The following NBAS variants were observed in gnomAD, a reference collection of about 807,000 sequenced individuals.
The protein encoded by NBAS is NBAS subunit of NRZ tethering complex.
In NBAS, 219 loss-of-function variants were observed where a neutral mutation model predicts 302.5. The observed-to-expected ratio is 0.72, with a 90% CI of 0.65 to 0.81. The LOEUF (loss-of-function observed/expected upper bound fraction) is 0.81, where lower values mean the gene tolerates loss of function less well. Among genes scored for constraint, NBAS ranks in the 30% least tolerant of loss-of-function variants. The pLI, the probability that NBAS is intolerant of heterozygous loss-of-function variation, is 0.00. For missense variants in NBAS, 2,932 were observed against 2,841.6 expected, an observed-to-expected ratio of 1.03 and a Z score of -0.72; for synonymous variants, 1,118 against 1,021.6, an observed-to-expected ratio of 1.09 and a Z score of -1.80.
intron 19 of NBAS, among the ~76,000 whole-genome samples, chr2:15,466,006 T>C (rs1424527972): frequency 6.6e-6 from 1 of 152,204 alleles, no homozygotes; most frequent in Non-Finnish European, 1.5e-5. Flanking sequence ...AGTAATGTGA[T>C]CATCCAATAG....
At chr2:15,521,850 A>T (rs930474376) in intron 9 of NBAS, among the ~76,000 whole-genome samples, 4 of 152,298 alleles carry the variant, frequency 2.6e-5, no homozygotes, top group African/African-American at 9.6e-5. Flanking sequence ...ACACAGCCAT[A>T]CTGTGAATTT....
intron 48 of NBAS, among the ~76,000 whole-genome samples, chr2:15,203,280 C>T (rs537194482): frequency 6.6e-6 from 1 of 152,240 alleles, no homozygotes; most frequent in Non-Finnish European, 1.5e-5. Context: ...TTCTTAACCA[C>T]TTTGAGTCTA....
At chr2:15,284,926 T>C (rs1244524494) in intron 42 of NBAS, among the ~76,000 whole-genome samples, 2 of 152,234 alleles carry the variant, frequency 1.3e-5, no homozygotes, top group Non-Finnish European at 2.9e-5. Flanking sequence ...TATAATGATA[T>C]GCTAGGAACA....
intron 21 of NBAS, among the ~76,000 whole-genome samples, chr2:15,453,770 C>A (rs189281427): frequency 6.6e-6 from 1 of 151,836 alleles, no homozygotes; most frequent in Admixed American, 6.6e-5. Context: ...ATAGTAACAG[C>A]TTTTCTTTTC....
At chr2:15,267,035 A>G (rs915931114) in intron 44 of NBAS, among the ~76,000 whole-genome samples, 2 of 152,362 alleles carry the variant, frequency 1.3e-5, no homozygotes, top group African/African-American at 4.8e-5. Context: ...ACATCTTACA[A>G]AAAGCCATAT....
At chr2:15,097,343 A>C in the NBAS span, among the ~76,000 whole-genome samples, 1 of 152,156 alleles carries the variant, frequency 6.6e-6, no homozygotes, top group Non-Finnish European at 1.5e-5. Flanking sequence ...CCCAGGCCAC[A>C]GTGGAGGCTG....
At chr2:15,542,783 T>A (rs1043207442) in intron 6 of NBAS, among the ~76,000 whole-genome samples, 11 of 152,236 alleles carry the variant, frequency 7.2e-5, no homozygotes, top group African/African-American at 2.7e-4. Context: ...AATATTTATG[T>A]GCTAAGGAAA....
chr2:15,540,783 C>T lies in NBAS; in HGVS notation c.380-1427G>A, dbSNP rs556029364. ...TGTCACCCAGACTGGAGTACAGTGG[C>T]GCGATCTGGGCTCACTGCAACCTCC... On this transcript the variant is annotated intron_variant, in intron 6 of 51. Coordinates refer to ENST00000281513, the MANE Select transcript of NBAS (RefSeq NM_015909.4). 6.0e-4 allele frequency among the ~76,000 whole-genome samples: 91 copies of T among 151,822 alleles called. 3 individuals carry two copies. The South Asian group carries it at 0.013, about 22-fold the overall frequency.
chr2:15,452,944 G>A (rs1679088841), intron 21 of NBAS, among the ~76,000 whole-genome samples: 1 of 152,194 alleles, frequency 6.6e-6, no homozygotes, highest in Non-Finnish European at 1.5e-5. Context: ...TTTATTAGGA[G>A]ATATGTGTTA....
At chr2:14,873,040 C>G in the NBAS span, among the ~76,000 whole-genome samples, 53 of 152,364 alleles carry the variant, frequency 3.5e-4, no homozygotes, top group African/African-American at 1.3e-3. Context: ...CGGAAGGGGA[C>G]TCTCGGCAGG....
intron 44 of NBAS, among the ~76,000 whole-genome samples, chr2:15,260,580 T>C (rs1442736506): frequency 6.6e-6 from 1 of 152,156 alleles, no homozygotes; most frequent in African/African-American, 2.4e-5. Flanking sequence ...AGGTGGTCAC[T>C]GCAAGAGTCT....
At chr2:15,232,339 C>A (rs2147927718) in intron 47 of NBAS, 83 bp downstream of exon 47, 2 of 1,331,770 alleles carry the variant, frequency 1.5e-6, no homozygotes, top group East Asian at 2.4e-5. Flanking sequence ...TCTTGGAAGC[C>A]TCATACATAC....
chr2:15,415,502 G>C (rs1360312639), intron 25 of NBAS, 44 bp downstream of exon 25: 1 of 1,552,326 alleles, frequency 6.4e-7, no homozygotes, highest in South Asian at 1.1e-5. Context: ...TAATACTGTA[G>C]GGGAAAAAGT....
the NBAS span, among the ~76,000 whole-genome samples, chr2:14,894,796 T>C: frequency 9.2e-5 from 14 of 152,076 alleles, no homozygotes; most frequent in African/African-American, 1.2e-4. Flanking sequence ...CGGTGGCTCA[T>C]GCCTGTAATC....
the NBAS span, among the ~76,000 whole-genome samples, chr2:15,077,321 T>G: frequency 1.3e-5 from 2 of 152,154 alleles, no homozygotes; most frequent in African/African-American, 4.8e-5. Context: ...ACCAGGTCCC[T>G]CCCTCAACTC....
At chr2:15,538,071 T>A (rs960903913) in intron 7 of NBAS, among the ~76,000 whole-genome samples, 6 of 152,220 alleles carry the variant, frequency 3.9e-5, no homozygotes, top group African/African-American at 1.4e-4. Context: ...ATTAATAATG[T>A]TTTATATTGA....
At chr2:15,208,944 A>G (rs1363763445) in intron 48 of NBAS, among the ~76,000 whole-genome samples, 1 of 152,204 alleles carries the variant, frequency 6.6e-6, no homozygotes, top group Non-Finnish European at 1.5e-5. Context: ...GGATATAATG[A>G]AGATCAGAGC....
chr2:14,821,739 G>A, the NBAS span, among the ~76,000 whole-genome samples: 29 of 152,166 alleles, frequency 1.9e-4, no homozygotes, highest in African/African-American at 6.0e-4. Context: ...TGGGCTGGGC[G>A]CGATGGCTTA....
chr2:15,181,699 C>CCCAGTGG (rs1447699041), intron 50 of NBAS, among the ~76,000 whole-genome samples: 1 of 152,178 alleles, frequency 6.6e-6, no homozygotes, highest in Non-Finnish European at 1.5e-5. Context: ...TGTTTCTTTT[C>CCCAGTGG]CCAGTGGACT....
Sources: gnomAD v4.1 joint callset for allele counts (sites outside exome capture counted in the v4.1 genomes callset) on GRCh38, gnomAD v4.1.1 for gene constraint, MANE v1.5 for transcripts, NCBI Gene and HGNC (gene_info 2026-07-23, HGNC 2026-07-21) for gene names.